Variants in MLLT10 observed in about 807,000 individuals in gnomAD.
MLLT10 encodes protein AF-10.
MLLT10 carries 30 observed loss-of-function variants against 129.1 expected under a neutral mutation model. The ratio of observed to expected loss-of-function variants is 0.23; its 90% CI spans 0.17 to 0.32. MLLT10 has a LOEUF of 0.32. Ranked by LOEUF, MLLT10 falls within the 10% of genes least tolerant of loss-of-function variation. The pLI is 1.00. For missense variants in MLLT10, 1,119 were observed against 1,268.3 expected (o/e 0.88, Z 1.79); for synonymous variants, 490 against 446.4 (o/e 1.10, Z -1.23).
intron 3 of MLLT10, among the ~76,000 whole-genome samples, chr10:21,547,251 A>G (rs1024635669): frequency 3.3e-5 from 5 of 152,012 alleles, no homozygotes; most frequent in African/African-American, 7.3e-5. Flanking sequence ...GATTGCACTT[A>G]AAGTTTTAAC....
chr10:21,688,859 C>T (rs930083854), intron 13 of MLLT10, among the ~76,000 whole-genome samples: 2 of 152,104 alleles, frequency 1.3e-5, no homozygotes, highest in African/African-American at 2.4e-5. Context: ...TCCCTTCTCA[C>T]ACTGAGATCA....
At position 21,714,047 on chromosome 10, in the gene MLLT10, A is replaced by G. The variant is rs574787076; in HGVS notation, c.1878+97A>G. ...AGAAACAAATGACATAGGGCCTTCT[A>G]TAGGAATTTATGAAATACCTCAATT... is the stretch of plus-strand genomic sequence containing the variant. On this transcript the variant is annotated intron_variant, in intron 14 of 22. Transcript: ENST00000307729. The G allele has an allele frequency of 7.1e-6, 7 of 992,112 alleles. No individual in the cohort carries two copies. The Admixed American group carries it at 1.3e-4, about 18-fold the overall frequency. The allele number at this position is 992,112 out of a possible 1,614,324, so 61.5% of individuals were successfully genotyped here. A position where few individuals can be genotyped will look rare whatever the true frequency, so the allele number is the denominator to read the frequency against.
intron 3 of MLLT10, among the ~76,000 whole-genome samples, chr10:21,565,890 G>T (rs1360245714): frequency 2.0e-5 from 3 of 149,818 alleles, no homozygotes; most frequent in Admixed American, 6.7e-5. Context: ...ACAGGCATGA[G>T]CCACCATGCT....
intron 4 of MLLT10, among the ~76,000 whole-genome samples, chr10:21,588,298 C>T (rs2042188441): frequency 6.6e-6 from 1 of 152,088 alleles, no homozygotes; most frequent in East Asian, 1.9e-4. Flanking sequence ...AACTCCTGAC[C>T]TCAAATGATC....
chr10:21,610,798 A>AT (rs1024152144), intron 5 of MLLT10, among the ~76,000 whole-genome samples: 3 of 151,448 alleles, frequency 2.0e-5, no homozygotes, highest in South Asian at 2.1e-4. Flanking sequence ...CTATTTTTAA[A>AT]TTTTTTTGAT....
chr10:21,584,373 C>CTT (rs2041787972), intron 3 of MLLT10, among the ~76,000 whole-genome samples: 1 of 151,484 alleles, frequency 6.6e-6, no homozygotes. Flanking sequence ...CCAGGTTGGC[C>CTT]AGGATGGTAT....
At chr10:21,573,993 A>G (rs929426312) in intron 3 of MLLT10, among the ~76,000 whole-genome samples, 9 of 152,230 alleles carry the variant, frequency 5.9e-5, no homozygotes, top group Admixed American at 5.2e-4. Context: ...ATTCATTGGT[A>G]TTCTTCATGC....
chr10:21,737,524 A>T (rs180858341), intron 21 of MLLT10, among the ~76,000 whole-genome samples: 1 of 152,300 alleles, frequency 6.6e-6, no homozygotes, highest in East Asian at 1.9e-4. Context: ...GAGCAACTGG[A>T]GGTGGGTTTT....
Position 21,599,136 on chromosome 10 carries a change from C to T in MLLT10, c.405+3696C>T, listed in dbSNP as rs185452432. 3.5e-4 allele frequency among the ~76,000 whole-genome samples: 53 copies of T among 151,308 alleles called. 2 individuals are homozygous for T. In the East Asian group the frequency reaches 0.01, roughly 30 times the overall value. Reference sequence around the variant, plus strand: ...GAGGTTGCAGTGAGCCGAGATCGCACCACTGCACCTCAGCCTGGGTGACAG... The same window carrying T: ...GAGGTTGCAGTGAGCCGAGATCGCATCACTGCACCTCAGCCTGGGTGACAG... On this transcript the variant is annotated intron_variant, in intron 5 of 22. Coordinates refer to ENST00000307729, the MANE Select transcript of MLLT10 (RefSeq NM_001195626.3).
chr10:21,681,261 CCTAT>C (rs1429618656), intron 11 of MLLT10, 67 bp from the exon 12 acceptor site: 16 of 1,587,930 alleles, frequency 1.0e-5, no homozygotes, highest in South Asian at 3.4e-5. Flanking sequence ...ATTTTTCTGG[CCTAT>C]CTCTTTTTTT....
At chr10:21,557,261 A>G (rs1210974822) in intron 3 of MLLT10, 6 of 897,936 alleles carry the variant, frequency 6.7e-6, no homozygotes, top group Non-Finnish European at 7.0e-6. Flanking sequence ...GTAATAGTTT[A>G]TGAAATCTGT....
At chr10:21,630,145 T>C (rs1426680219) in intron 8 of MLLT10, among the ~76,000 whole-genome samples, 1 of 152,122 alleles carries the variant, frequency 6.6e-6, no homozygotes, top group Non-Finnish European at 1.5e-5. Flanking sequence ...ATCAGAGATA[T>C]TGCTAGGCAG....
intron 8 of MLLT10, among the ~76,000 whole-genome samples, chr10:21,637,304 A>T (rs768126265): frequency 4.6e-5 from 7 of 152,194 alleles, no homozygotes; most frequent in African/African-American, 7.2e-5. Context: ...TTTACAGGAT[A>T]GCTGACATTT....
intron 11 of MLLT10, among the ~76,000 whole-genome samples, chr10:21,677,642 T>C (rs2052321129): frequency 6.6e-6 from 1 of 152,216 alleles, no homozygotes. Flanking sequence ...CAGTACAGAC[T>C]CAATTTTTTC....
At position 21,742,303 on chromosome 10, in the gene MLLT10, A is replaced by G. The variant is rs1833781657; in HGVS notation, c.*320A>G. On this transcript the variant is annotated 3_prime_UTR_variant, in exon 23 of 23. Transcript: ENST00000307729. ...AAGAATTTAATATAGTTGGTACACA[A>G]CTAGTTTTGTTTATAAATTGGAGAT... 2 of 285,578 alleles carry G rather than the reference A, an allele frequency of 7.0e-6. No individual in the cohort carries two copies. The highest frequency in any genetic ancestry group is 1.5e-4 in the South Asian group (1 of 6,636). 17.7% of individuals were successfully genotyped at this position (285,578 alleles called of 1,614,324 possible).
chr10:21,661,826 T>A (rs2050243664), intron 9 of MLLT10: 1 of 152,222 alleles, frequency 6.6e-6, no homozygotes, highest in Non-Finnish European at 1.5e-5. Flanking sequence ...TTTGGATCTG[T>A]GACAATCTTT....
chr10:21,668,094 T>C (rs754812192), intron 9 of MLLT10, among the ~76,000 whole-genome samples: 3 of 152,144 alleles, frequency 2.0e-5, no homozygotes, highest in Non-Finnish European at 2.9e-5. Context: ...ACTTACATTT[T>C]TCAGTAGAGC....
chr10:21,693,956 GTC>G (rs1399417958), intron 13 of MLLT10, among the ~76,000 whole-genome samples: 1 of 152,046 alleles, frequency 6.6e-6, no homozygotes, highest in Non-Finnish European at 1.5e-5. Context: ...ATTCTTTGAA[GTC>G]TCTTTTAAAA....
intron 9 of MLLT10, among the ~76,000 whole-genome samples, chr10:21,669,246 G>A (rs1314658676): frequency 2.6e-5 from 4 of 151,882 alleles, no homozygotes; most frequent in African/African-American, 9.7e-5. Context: ...TGAGATGATG[G>A]GGGCTGGGGA....
Sources: gnomAD v4.1 joint callset for allele counts (sites outside exome capture counted in the v4.1 genomes callset) on GRCh38, gnomAD v4.1.1 for gene constraint, MANE v1.5 for transcripts, NCBI Gene and HGNC (gene_info 2026-07-23, HGNC 2026-07-21) for gene names.